Variants in GDF1 observed in about 807,000 individuals in gnomAD.
GDF1 encodes embryonic growth/differentiation factor 1.
GDF1 carries 8 observed loss-of-function variants against 7.4 expected under a neutral mutation model. That is an observed-to-expected ratio of 1.09 (90% CI 0.64 to 1.96). The LOEUF is 1.96. Ranked by LOEUF, GDF1 falls within the 30% of genes most tolerant of loss-of-function variation. GDF1 has a pLI of 0.00. For missense variants in GDF1, 574 were observed against 551.5 expected (o/e 1.04, Z -0.41); for synonymous variants, 311 against 276.7 (o/e 1.12, Z -1.23).
chr19:18,878,483 G>A lies in GDF1; in HGVS notation c.-313+447C>T, dbSNP rs768519231. 5.0e-6 allele frequency: 5 copies of A among 994,276 alleles called. No homozygotes were observed. Among genetic ancestry groups the A allele is most frequent in the Admixed American group, 5.6e-5 (1 of 17,776 alleles). The allele number at this position is 994,276 out of a possible 1,614,324, so 61.6% of individuals were successfully genotyped here. On this transcript the variant is annotated intron_variant, in intron 6 of 7. Transcript: ENST00000247005. This position sits in a 1 kb window ranked among gnomAD's most constrained non-coding sequence, Gnocchi z 4.6. ...TCAAACTCAGAGGCCAGGATGTCTCGGCCCAGATGGAGCCTGGGTTCTCTC... is the reference window on the plus strand; with the variant it reads ...TCAAACTCAGAGGCCAGGATGTCTCAGCCCAGATGGAGCCTGGGTTCTCTC...
chr19:18,870,171 C>G lies in GDF1; in HGVS notation c.137G>C (p.Arg46Pro), dbSNP rs2055941159. The G allele has an allele frequency of 1.3e-6, 2 of 1,561,300 alleles. No homozygotes were observed. Among genetic ancestry groups the G allele is most frequent in the Non-Finnish European group, 1.7e-6 (2 of 1,159,446 alleles). ...AAALLQALGL[R>P]DEPQGAPRLR... ...CCTGGGGGCACCCTGGGGCTCATCG[C>G]GCAGTCCTAGAGCCTGGAGCAGGGC... Residue 46 changes from arginine to proline, a missense_variant, in exon 7 of 8, where the codon CGC becomes CCC. Physicochemically the swap from Arg to Pro is moderately radical, Grantham distance 103. Transcript: ENST00000247005. This position sits in a 1 kb window ranked among gnomAD's most constrained non-coding sequence, Gnocchi z 5.1.
rs1385616129 is a variant in GDF1, at chr19:18,870,663, G to A, written c.-312-44C>T. On this transcript the variant is annotated intron_variant, in intron 6 of 7. Transcript: ENST00000247005. This position sits in a 1 kb window ranked among gnomAD's most constrained non-coding sequence, Gnocchi z 5.1. ...GCAGGTTAGCCTGGGAGCCCCACGC[G>A]GCCGCCTGGCCCTCTTTCCCGCTTC... is the stretch of plus-strand genomic sequence containing the variant. The A allele has an allele frequency of 5.8e-6, 3 of 515,452 alleles. No homozygotes were observed. The highest frequency in any genetic ancestry group is 1.1e-5 in the Non-Finnish European group (3 of 284,672). 31.9% of individuals were successfully genotyped at this position (515,452 alleles called of 1,614,324 possible). A position where few individuals can be genotyped will look rare whatever the true frequency, so the allele number is the denominator to read the frequency against.
In GDF1 at chr19:18,868,636, C is replaced by T. The variant is rs868686446; in HGVS notation, c.1080G>A (p.Gln360=). 1 of 1,574,360 alleles carries T rather than the reference C, an allele frequency of 6.4e-7. No individual in the cohort carries two copies. Among genetic ancestry groups the T allele is most frequent in the Non-Finnish European group, 8.6e-7 (1 of 1,160,108 alleles). ...FDNSDNVVLR[Q]YEDMVVDECG... ...ACTCGTCCACCACCATGTCCTCATACTGCCGCAGCACCACGTTGTCGCTGT... is the reference window on the plus strand; with the variant it reads ...ACTCGTCCACCACCATGTCCTCATATTGCCGCAGCACCACGTTGTCGCTGT... Residue 360 remains glutamine, a synonymous_variant, in exon 8 of 8, where the codon CAG becomes CAA. Transcript: ENST00000247005.
intron 7 of GDF1, among the ~76,000 whole-genome samples, chr19:18,869,651 G>A (rs1279522485): frequency 1.4e-5 from 2 of 144,042 alleles, no homozygotes; most frequent in African/African-American, 2.5e-5. Flanking sequence ...GGAGACATGA[G>A]CCAGAACCTG....
intron 7 of GDF1, among the ~76,000 whole-genome samples, chr19:18,869,738 C>T (rs1294618333): frequency 1.9e-5 from 1 of 51,772 alleles, no homozygotes; most frequent in Non-Finnish European, 3.8e-5. Context: ...TGGGGGTGGG[C>T]ATGGGGTGGG....
intron 2 of GDF1, among the ~76,000 whole-genome samples, chr19:18,884,709 C>CTT (rs36074874): frequency 0.41 from 28,265 of 69,074 alleles, 7,438 homozygotes; most frequent in South Asian, 0.52. Flanking sequence ...GCCCAGCCGT[C>CTT]TTTTTTTTTT....
At chr19:18,871,198 C>T (rs2055963519) in intron 6 of GDF1, among the ~76,000 whole-genome samples, 1 of 149,658 alleles carries the variant, frequency 6.7e-6, no homozygotes, top group Admixed American at 6.7e-5. Context: ...GCTGGGATTA[C>T]AGGGGCACGC....
In GDF1 at chr19:18,870,119, C is replaced by T. The variant is rs1487660277; in HGVS notation, c.189G>A (p.Trp63Ter). 6 of 1,567,532 alleles carry T rather than the reference C, an allele frequency of 3.8e-6. No homozygotes were observed. Among genetic ancestry groups the T allele is most frequent in the Non-Finnish European group, 5.2e-6 (6 of 1,161,900 alleles). Reference protein sequence around the residue: ...PRLRPVPPVMWRLFRRRDPQE... With the variant: ...PRLRPVPPVM ...GGGGGTCCCGGCGTCGAAACAGGCGCCACATGACCGGGGGAACCGGCCGGA... is the reference window on the plus strand; with the variant it reads ...GGGGGTCCCGGCGTCGAAACAGGCGTCACATGACCGGGGGAACCGGCCGGA... The change falls in exon 7 of 8, where the codon TGG (tryptophan) becomes TGA (stop). Residue 63 changes from tryptophan to a stop codon, truncating the protein, a stop_gained. Transcript: ENST00000247005. LOFTEE classifies it high-confidence loss of function. This position sits in a 1 kb window ranked among gnomAD's most constrained non-coding sequence, Gnocchi z 5.1.
Position 18,868,890 on chromosome 19 carries a change from A to G in GDF1, c.826T>C (p.Phe276Leu). ...CAGCGGTGCCAGCCCACCTCGCGGA[A>G]GCTCACGTACAGCCGCCGCGCGCGA... ...ACRARRLYVSFREVGWHRWVI... is the reference protein window; with the variant it reads ...ACRARRLYVSLREVGWHRWVI... Residue 276 changes from phenylalanine (F) to leucine (L), a missense_variant, in exon 8 of 8, where the codon TTC becomes CTC. Physicochemically the swap from Phe to Leu is conservative, Grantham distance 22. Transcript: ENST00000247005. 7.0e-7 allele frequency: 1 copy of G among 1,428,222 alleles called. No individual in the cohort carries two copies. Among genetic ancestry groups the G allele is most frequent in the South Asian group, 1.2e-5 (1 of 80,414 alleles). The allele number at this position is 1,428,222 out of a possible 1,614,324, so 88.5% of individuals were successfully genotyped here. A position where few individuals can be genotyped will look rare whatever the true frequency, so the allele number is the denominator to read the frequency against.
At position 18,883,997 on chromosome 19, in the gene GDF1, C is replaced by G. The variant is rs571714962; in HGVS notation, c.-733+90G>C. On this transcript the variant is annotated intron_variant, in intron 3 of 7. Coordinates refer to ENST00000247005, the MANE Select transcript of GDF1 (RefSeq NM_001492.6). ...CACTCCGACCTGATGTGATCCCCTC[C>G]ACGGCCTCCTCTGTGCCCCGCCGCA... 5.8e-6 allele frequency: 8 copies of G among 1,385,928 alleles called. No homozygotes were observed. The South Asian group carries it at 9.5e-5, about 17-fold the overall frequency. The allele number at this position is 1,385,928 out of a possible 1,614,324, so 85.9% of individuals were successfully genotyped here.
intron 2 of GDF1, among the ~76,000 whole-genome samples, chr19:18,888,892 T>TTTG (rs2056427684): frequency 6.9e-6 from 1 of 145,600 alleles, no homozygotes; most frequent in African/African-American, 2.5e-5. Flanking sequence ...TTTCTTTCTT[T>TTTG]TTTTTTTTTT....
intron 6 of GDF1, among the ~76,000 whole-genome samples, chr19:18,873,391 G>A (rs534854518): frequency 8.6e-5 from 13 of 151,892 alleles, no homozygotes; most frequent in Non-Finnish European, 1.8e-4. Flanking sequence ...GAGCAGGAGT[G>A]CAGAGTAAAT....
chr19:18,872,515 ATTTTTTT>A (rs1006396798), intron 6 of GDF1, among the ~76,000 whole-genome samples: 3 of 125,874 alleles, frequency 2.4e-5, no homozygotes, highest in Admixed American at 1.6e-4. Flanking sequence ...GCCCGGGGTA[ATTTTTTT>A]TTTTTTTTTT....
In GDF1 at chr19:18,886,115, CTATGCTCTGGA is replaced by C. The variant is rs1359658669; in HGVS notation, c.-913-1859_-913-1849del. Among the ~76,000 whole-genome samples the C allele has an allele frequency of 4.2e-3, 632 of 151,434 alleles. 13 individuals are homozygous for C. Among genetic ancestry groups the C allele is most frequent in the African/African-American group, 0.015 (614 of 40,740 alleles). On this transcript the variant is annotated intron_variant, in intron 2 of 7. Transcript: ENST00000247005. Reference sequence around the variant, plus strand: ...GGCTGCCAGACACCAAATTCAAGGGCTATGCTCTGGACGGGCACGGTGGCTCATGCCTGTAA... The same window carrying C: ...GGCTGCCAGACACCAAATTCAAGGGCCGGGCACGGTGGCTCATGCCTGTAA...
chr19:18,875,522 G>A (rs1476656092), intron 6 of GDF1, among the ~76,000 whole-genome samples: 5 of 149,928 alleles, frequency 3.3e-5, no homozygotes, highest in Admixed American at 6.6e-5. Context: ...CAGCCTGGGC[G>A]ACAGAGCGAG....
At chr19:18,886,420 G>A (rs1277057265) in intron 2 of GDF1, among the ~76,000 whole-genome samples, 1 of 151,930 alleles carries the variant, frequency 6.6e-6, no homozygotes, top group Non-Finnish European at 1.5e-5. Flanking sequence ...GTGGTGGTGG[G>A]CGCCTGTGGT....
chr19:18,870,071 C>T lies in GDF1; in HGVS notation c.237G>A (p.Arg79=), dbSNP rs1333330439. 6 of 1,582,920 alleles carry T rather than the reference C, an allele frequency of 3.8e-6. No individual in the cohort carries two copies. The highest frequency in any genetic ancestry group is 2.3e-5 in the South Asian group (2 of 87,770). The change falls in exon 7 of 8, where the codon CGG becomes CGA. Residue 79 remains arginine (R), a synonymous_variant. Transcript: ENST00000247005. The surrounding 1 kb of genome is among the most constrained non-coding windows in gnomAD (Gnocchi z 5.1). ...RDPQETRSGS[R]RTSPGVTLQP... ...GCAGGGTGACCCCTGGGGACGTCCGCCGCGAGCCAGACCTGGTCTCCTGGG... is the reference window on the plus strand; with the variant it reads ...GCAGGGTGACCCCTGGGGACGTCCGTCGCGAGCCAGACCTGGTCTCCTGGG...
At chr19:18,879,467 C>T in intron 4 of GDF1, 79 bp from the exon 5 acceptor site, 1 of 1,483,192 alleles carries the variant, frequency 6.7e-7, no homozygotes. Flanking sequence ...CCGTCCTAGA[C>T]CCACCCTTGC....
intron 4 of GDF1, 27 bp from the exon 5 acceptor site, chr19:18,879,415 T>C: frequency 1.9e-6 from 3 of 1,551,582 alleles, no homozygotes; most frequent in Non-Finnish European, 2.6e-6. Context: ...CAGGAGGCCG[T>C]GGGTGGAGGG....
Sources: gnomAD v4.1 joint callset for allele counts (sites outside exome capture counted in the v4.1 genomes callset) on GRCh38, gnomAD v4.1.1 for gene constraint, Gnocchi (gnomAD v3.1) non-coding constraint, MANE v1.5 for transcripts, NCBI Gene and HGNC (gene_info 2026-07-23, HGNC 2026-07-21) for gene names.